Variants in SCAPER observed in about 807,000 individuals in gnomAD.
The protein encoded by SCAPER is S phase cyclin A-associated protein in the endoplasmic reticulum.
In SCAPER, 98 loss-of-function variants were observed where a neutral mutation model predicts 182.2. That is an observed-to-expected ratio of 0.54 (90% CI 0.46 to 0.64). The LOEUF (loss-of-function observed/expected upper bound fraction) is 0.64. SCAPER is among the 30% of genes least tolerant of loss of function. The pLI is 0.00. For synonymous variants in SCAPER, 605 were observed against 564.6 expected (o/e 1.07, Z -1.01); for missense variants, 1,432 against 1,690.0 (o/e 0.85, Z 2.68).
At chr15:76,765,663 A>C (rs1433316045) in intron 11 of SCAPER, 25 bp from the exon 12 acceptor site, 2 of 1,534,862 alleles carry the variant, frequency 1.3e-6, no homozygotes, top group Admixed American at 1.9e-5. Flanking sequence ...GGGAAGTTGA[A>C]AATCAAATCT....
Position 76,569,361 on chromosome 15 carries a change from A to C in SCAPER, c.2838+4797T>G, listed in dbSNP as rs531817343. 3.9e-5 allele frequency among the ~76,000 whole-genome samples: 6 copies of C among 152,300 alleles called. No homozygotes were observed. In the East Asian group the frequency reaches 9.6e-4, roughly 24 times the overall value. On this transcript the variant is annotated intron_variant, in intron 23 of 31. Coordinates refer to ENST00000563290, the MANE Select transcript of SCAPER (RefSeq NM_020843.4). ...GATCATAATTTTCCAATGTTAAAGC[A>C]AACTTAAATATCTTGAATAAATCCA... is the stretch of plus-strand genomic sequence containing the variant.
At chr15:76,492,497 T>C (rs1025744006) in intron 24 of SCAPER, among the ~76,000 whole-genome samples, 1 of 152,196 alleles carries the variant, frequency 6.6e-6, no homozygotes. Flanking sequence ...TTTAAATGTA[T>C]AGTACTCATC....
intron 27 of SCAPER, among the ~76,000 whole-genome samples, chr15:76,394,292 G>A (rs2043904958): frequency 6.6e-6 from 1 of 152,170 alleles, no homozygotes; most frequent in Non-Finnish European, 1.5e-5. Context: ...CCTTAGTTAA[G>A]TAACGAATTT....
At chr15:76,668,506 C>T (rs2056785049) in intron 20 of SCAPER, among the ~76,000 whole-genome samples, 1 of 152,092 alleles carries the variant, frequency 6.6e-6, no homozygotes, top group Admixed American at 6.6e-5. Flanking sequence ...CTTGTTGTTC[C>T]CCACATTCAT....
intron 26 of SCAPER, among the ~76,000 whole-genome samples, chr15:76,420,645 A>G (rs2045965555): frequency 6.6e-6 from 1 of 152,198 alleles, no homozygotes; most frequent in Non-Finnish European, 1.5e-5. Flanking sequence ...TTATACTTTA[A>G]GTTCTATGGT....
In SCAPER at chr15:76,771,997, C is replaced by T. The variant is rs370740105; in HGVS notation, c.1036-43G>A. 7.1e-5 allele frequency: 99 copies of T among 1,404,120 alleles called. No homozygotes were observed. In the African/African-American group the frequency reaches 1.3e-3, roughly 18 times the overall value. The allele number at this position is 1,404,120 out of a possible 1,614,324, so 87.0% of individuals were successfully genotyped here. ...ATGAATCAGAGATAATTAAAAAATA[C>T]CAACTATTCCACTTTAGAAGAAGAG... On this transcript the variant is annotated intron_variant, in intron 9 of 31. Coordinates refer to ENST00000563290, the MANE Select transcript of SCAPER (RefSeq NM_020843.4).
At chr15:76,788,829 T>C (rs2064803791) in intron 8 of SCAPER, among the ~76,000 whole-genome samples, 1 of 152,010 alleles carries the variant, frequency 6.6e-6, no homozygotes, top group Non-Finnish European at 1.5e-5. Flanking sequence ...TTATCAACAT[T>C]TTGTCCCTCT....
chr15:76,717,014 T>A (rs2059920958), intron 17 of SCAPER, among the ~76,000 whole-genome samples: 1 of 151,834 alleles, frequency 6.6e-6, no homozygotes, highest in African/African-American at 2.4e-5. Flanking sequence ...AATGAAATAG[T>A]TTTAAAAACA....
At chr15:76,714,087 A>T (rs1194247580) in intron 17 of SCAPER, among the ~76,000 whole-genome samples, 2 of 152,168 alleles carry the variant, frequency 1.3e-5, no homozygotes, top group Non-Finnish European at 2.9e-5. Flanking sequence ...TACACACAAC[A>T]TGGAGGAATC....
intron 20 of SCAPER, among the ~76,000 whole-genome samples, chr15:76,676,986 T>C (rs370809822): frequency 6.6e-6 from 1 of 151,974 alleles, no homozygotes; most frequent in East Asian, 1.9e-4. Flanking sequence ...AAGGTTATAG[T>C]TGTTGTACAA....
chr15:76,773,568 G>T (rs139644698), intron 9 of SCAPER, among the ~76,000 whole-genome samples: 8 of 151,936 alleles, frequency 5.3e-5, no homozygotes, highest in African/African-American at 9.6e-5. Context: ...TACTTCCTAT[G>T]CGTTTAGGAC....
intron 17 of SCAPER, among the ~76,000 whole-genome samples, chr15:76,723,773 C>T (rs947148498): frequency 2.0e-5 from 3 of 152,074 alleles, no homozygotes; most frequent in Admixed American, 6.6e-5. Context: ...TTTCCATTTG[C>T]CTGGTAGATC....
chr15:76,413,249 G>C (rs557331477), intron 26 of SCAPER, among the ~76,000 whole-genome samples: 1 of 152,190 alleles, frequency 6.6e-6, no homozygotes, highest in African/African-American at 2.4e-5. Flanking sequence ...GAACTAGCTA[G>C]AACTTTCAAT....
chr15:76,775,087 A>ACGAC lies in SCAPER; in HGVS notation c.802_803insGTCG (p.Val268GlyfsTer31). ...AGAACGAATAGGCCTTCCTCTCTGA[A>ACGAC]CGGTCTCCCATCCTTCAGCATCTTT... On this transcript the variant is annotated frameshift_variant, in exon 9 of 32. Transcript: ENST00000563290. LOFTEE classifies it high-confidence loss of function. The ACGAC allele has an allele frequency of 2.5e-6, 4 of 1,613,586 alleles. No homozygotes were observed. The highest frequency in any genetic ancestry group is 3.4e-6 in the Non-Finnish European group (4 of 1,179,686).
chr15:76,777,148 A>G (rs1235645946), intron 8 of SCAPER, among the ~76,000 whole-genome samples: 1 of 152,202 alleles, frequency 6.6e-6, no homozygotes, highest in Non-Finnish European at 1.5e-5. Context: ...TTACCTATAG[A>G]GAAACACCAA....
At chr15:76,666,796 G>A (rs999545142) in intron 20 of SCAPER, among the ~76,000 whole-genome samples, 11 of 152,118 alleles carry the variant, frequency 7.2e-5, no homozygotes, top group African/African-American at 2.7e-4. Context: ...TCAGACGAGA[G>A]CTTCCACACA....
chr15:76,899,578 C>T (rs372515670), intron 1 of SCAPER, among the ~76,000 whole-genome samples: 6 of 152,186 alleles, frequency 3.9e-5, no homozygotes, highest in African/African-American at 1.2e-4. Flanking sequence ...TCTGCCCGCC[C>T]GCCACCCCGT....
intron 27 of SCAPER, among the ~76,000 whole-genome samples, chr15:76,398,507 T>C (rs923095541): frequency 6.6e-6 from 1 of 152,230 alleles, no homozygotes; most frequent in African/African-American, 2.4e-5. Flanking sequence ...AATGAATGAA[T>C]AGGCAGGCGG....
chr15:76,529,280 A>G (rs2144505811), intron 23 of SCAPER, among the ~76,000 whole-genome samples: 1 of 152,300 alleles, frequency 6.6e-6, no homozygotes, highest in East Asian at 1.9e-4. Flanking sequence ...TTCTGGCCTC[A>G]AGTGATCCAC....
Sources: gnomAD v4.1 joint callset for allele counts (sites outside exome capture counted in the v4.1 genomes callset) on GRCh38, gnomAD v4.1.1 for gene constraint, MANE v1.5 for transcripts, NCBI Gene and HGNC (gene_info 2026-07-23, HGNC 2026-07-21) for gene names.